SH3PXD2B: variants seen among roughly 807,000 people sequenced by gnomAD.
The protein encoded by SH3PXD2B is SH3 and PX domain-containing protein 2B.
Under a neutral mutation model 73.1 loss-of-function variants are expected in SH3PXD2B, and 37 were observed. That is an observed-to-expected ratio of 0.51 (90% CI 0.39 to 0.67). SH3PXD2B has a LOEUF of 0.67. Among genes scored for constraint, SH3PXD2B ranks in the 30% least tolerant of loss-of-function variants. SH3PXD2B has a pLI of 0.00. For missense variants in SH3PXD2B, 1,053 were observed against 1,197.8 expected (o/e 0.88, Z 1.78); for synonymous variants, 457 against 480.5 (o/e 0.95, Z 0.64).
In SH3PXD2B at chr5:172,353,488, A is replaced by G. The variant is rs896306321; in HGVS notation, c.785+400T>C. ...CTTTGAGAGACGAGGGCAGATTATCAGCCTAGGACGAATTACAGTCCATGA... is the reference window on the plus strand; with the variant it reads ...CTTTGAGAGACGAGGGCAGATTATCGGCCTAGGACGAATTACAGTCCATGA... On this transcript the variant is annotated intron_variant, in intron 9 of 12. Transcript: ENST00000311601. The surrounding 1 kb of genome is among the most constrained non-coding windows in gnomAD (Gnocchi z 4.3). 1.3e-5 allele frequency among the ~76,000 whole-genome samples: 2 copies of G among 152,212 alleles called. No homozygotes were observed. The highest frequency in any genetic ancestry group is 1.3e-4 in the Admixed American group (2 of 15,286).
intron 4 of SH3PXD2B, among the ~76,000 whole-genome samples, chr5:172,383,192 G>C (rs1365401128): frequency 6.6e-6 from 1 of 152,200 alleles, no homozygotes; most frequent in Non-Finnish European, 1.5e-5. Context: ...AAGCATTAAA[G>C]TGAAGGGACT....
Position 172,421,416 on chromosome 5 carries a change from A to G in SH3PXD2B, c.156+1000T>C, listed in dbSNP as rs1561933662. On this transcript the variant is annotated intron_variant, in intron 2 of 12. Coordinates refer to ENST00000311601, the MANE Select transcript of SH3PXD2B (RefSeq NM_001017995.3). This position sits in a 1 kb window ranked among gnomAD's most constrained non-coding sequence, Gnocchi z 4.0. ...TCGTTCATTCATTCATTCATTCACCAAACACTGACTGGACATATACTGTGT... is the reference window on the plus strand; with the variant it reads ...TCGTTCATTCATTCATTCATTCACCGAACACTGACTGGACATATACTGTGT... 6.6e-6 allele frequency among the ~76,000 whole-genome samples: 1 copy of G among 152,186 alleles called. No individual in the cohort carries two copies. Among genetic ancestry groups the G allele is most frequent in the Non-Finnish European group, 1.5e-5 (1 of 68,032 alleles).
At chr5:172,412,739 G>A (rs1758729850) in intron 2 of SH3PXD2B, among the ~76,000 whole-genome samples, 1 of 152,244 alleles carries the variant, frequency 6.6e-6, no homozygotes, top group Non-Finnish European at 1.5e-5. Flanking sequence ...GCTGTCTGCA[G>A]CAGCAGGAGC....
At position 172,406,358 on chromosome 5, in the gene SH3PXD2B, T is replaced by TG. The variant is rs1441666743; in HGVS notation, c.157-7dup. ...AATTTGTCCAACATCTGCATCTAAG[T>TG]GGGGGGCGAATACCAAAAACAAAAA... On this transcript the variant is annotated splice_region_variant and splice_polypyrimidine_tract_variant and intron_variant, in intron 2 of 12. Coordinates refer to ENST00000311601, the MANE Select transcript of SH3PXD2B (RefSeq NM_001017995.3). 1.9e-6 allele frequency: 3 copies of TG among 1,613,872 alleles called. No individual in the cohort carries two copies. Among genetic ancestry groups the TG allele is most frequent in the Middle Eastern group, 1.6e-4 (1 of 6,084 alleles).
chr5:172,416,696 CTT>C (rs202242720), intron 2 of SH3PXD2B, among the ~76,000 whole-genome samples: 66 of 62,214 alleles, frequency 1.1e-3, no homozygotes, highest in East Asian at 3.9e-3. Context: ...CTCTCTCTCT[CTT>C]TTTTTTTTTT....
chr5:172,364,527 T>A (rs993259478), intron 6 of SH3PXD2B, among the ~76,000 whole-genome samples: 1 of 152,078 alleles, frequency 6.6e-6, no homozygotes, highest in African/African-American at 2.4e-5. Context: ...GAGCTGGGCA[T>A]GCTGGCACGC....
rs537983904 is a variant in SH3PXD2B, at chr5:172,441,979, G to A, written c.75+12299C>T. On this transcript the variant is annotated intron_variant, in intron 1 of 12. Coordinates refer to ENST00000311601, the MANE Select transcript of SH3PXD2B (RefSeq NM_001017995.3). ...AATCCCTGCCCCTGTCCCTATGTGA[G>A]CCCTATGTGGACTTCTTTGCCATCC... Among the ~76,000 whole-genome samples the A allele has an allele frequency of 2.6e-5, 4 of 152,250 alleles. No individual in the cohort carries two copies. The East Asian group carries it at 7.7e-4, about 29-fold the overall frequency.
intron 4 of SH3PXD2B, among the ~76,000 whole-genome samples, chr5:172,383,476 T>C (rs1047971602): frequency 2.0e-5 from 3 of 152,238 alleles, no homozygotes; most frequent in Non-Finnish European, 2.9e-5. Context: ...CTCTGCTCGT[T>C]GAAGGATCCG....
In SH3PXD2B at chr5:172,433,288, G is replaced by A. The variant is rs79856148; in HGVS notation, c.76-10792C>T. ...TGTAAGTACACACTGTGATATTCACGTGATGAAACTGCCTAGCAACACATT... is the reference window on the plus strand; with the variant it reads ...TGTAAGTACACACTGTGATATTCACATGATGAAACTGCCTAGCAACACATT... On this transcript the variant is annotated intron_variant, in intron 1 of 12. Transcript: ENST00000311601. 3.9e-4 allele frequency among the ~76,000 whole-genome samples: 59 copies of A among 152,224 alleles called. No homozygotes were observed. The East Asian group carries it at 9.9e-3, about 25-fold the overall frequency.
intron 1 of SH3PXD2B, among the ~76,000 whole-genome samples, chr5:172,441,256 C>T (rs143917372): frequency 1.1e-4 from 16 of 152,286 alleles, no homozygotes; most frequent in Admixed American, 7.2e-4. Flanking sequence ...GGTTAAGTAA[C>T]GTGGCCCAAA....
chr5:172,369,042 G>A (rs1159808107), intron 6 of SH3PXD2B, among the ~76,000 whole-genome samples: 1 of 150,166 alleles, frequency 6.7e-6, no homozygotes, highest in Non-Finnish European at 1.5e-5. Context: ...TTACAGGCAT[G>A]CACCACCATG....
chr5:172,395,776 G>A (rs1758279045), intron 3 of SH3PXD2B, among the ~76,000 whole-genome samples: 1 of 130,944 alleles, frequency 7.6e-6, no homozygotes, highest in African/African-American at 2.8e-5. Context: ...AGACATGGGA[G>A]ATGGAGATAA....
chr5:172,391,299 T>C (rs527671773), intron 4 of SH3PXD2B, among the ~76,000 whole-genome samples: 2 of 152,360 alleles, frequency 1.3e-5, no homozygotes, highest in African/African-American at 2.4e-5. Flanking sequence ...TGAGCATCTA[T>C]TCATGTGTTT....
At chr5:172,384,551 T>A (rs968995386) in intron 4 of SH3PXD2B, among the ~76,000 whole-genome samples, 2 of 152,050 alleles carry the variant, frequency 1.3e-5, no homozygotes, top group African/African-American at 4.8e-5. Context: ...ACCATTCTAC[T>A]TCTGTCTCTA....
chr5:172,371,051 G>C (rs747257536), intron 6 of SH3PXD2B, among the ~76,000 whole-genome samples: 1 of 152,156 alleles, frequency 6.6e-6, no homozygotes, highest in Non-Finnish European at 1.5e-5. Context: ...CATTGGAAGG[G>C]TGATTTTTAT....
At chr5:172,407,435 C>A (rs1758586349) in intron 2 of SH3PXD2B, among the ~76,000 whole-genome samples, 1 of 152,186 alleles carries the variant, frequency 6.6e-6, no homozygotes, top group Non-Finnish European at 1.5e-5. Flanking sequence ...GGGATGAGGT[C>A]CAAAGACCCC....
In SH3PXD2B at chr5:172,333,920, C is replaced by T. The variant is rs1756624811; in HGVS notation, c.*4449G>A. The T allele has an allele frequency of 8.0e-7, 1 of 1,257,190 alleles. No homozygotes were observed. Among genetic ancestry groups the T allele is most frequent in the African/African-American group, 1.6e-5 (1 of 63,544 alleles). The allele number at this position is 1,257,190 out of a possible 1,614,324, so 77.9% of individuals were successfully genotyped here. The stretch of plus-strand genomic sequence containing the variant: ...ACGGGCACAAAGGCATACATGGGCA[C>T]ACACTGGGGTAAAATGTGGACACCA... On this transcript the variant is annotated 3_prime_UTR_variant, in exon 13 of 13. Transcript: ENST00000311601.
chr5:172,381,768 C>T (rs995314215), intron 5 of SH3PXD2B, among the ~76,000 whole-genome samples: 2 of 152,172 alleles, frequency 1.3e-5, no homozygotes, highest in Non-Finnish European at 2.9e-5. Context: ...TCAGCCTGCT[C>T]AGTTCCGACA....
At chr5:172,419,432 C>T (rs1414836374) in intron 2 of SH3PXD2B, among the ~76,000 whole-genome samples, 1 of 152,192 alleles carries the variant, frequency 6.6e-6, no homozygotes, top group East Asian at 1.9e-4. Flanking sequence ...TTAGGACAAT[C>T]AGATTCTCCC....
Sources: gnomAD v4.1 joint callset for allele counts (sites outside exome capture counted in the v4.1 genomes callset) on GRCh38, gnomAD v4.1.1 for gene constraint, Gnocchi (gnomAD v3.1) non-coding constraint, MANE v1.5 for transcripts, NCBI Gene and HGNC (gene_info 2026-07-23, HGNC 2026-07-21) for gene names.